The following MAP4K3 variants were observed in gnomAD, a reference collection of about 807,000 sequenced individuals.
The protein encoded by MAP4K3 is MAPK/ERK kinase kinase kinase 3.
A neutral mutation model predicts 143.5 loss-of-function variants in MAP4K3; 94 were observed. The observed-to-expected ratio is 0.65, with a 90% CI of 0.55 to 0.78. The LOEUF (loss-of-function observed/expected upper bound fraction) is 0.78. MAP4K3 is among the 30% of genes least tolerant of loss of function. The pLI, the probability that MAP4K3 is intolerant of heterozygous loss-of-function variation, is 0.00. For missense variants in MAP4K3, 1,077 were observed against 1,068.1 expected (o/e 1.01, Z -0.12); for synonymous variants, 416 against 347.2 (o/e 1.20, Z -2.20).
chr2:39,251,113 T>G (rs1680141453), intron 33 of MAP4K3, among the ~76,000 whole-genome samples: 1 of 152,200 alleles, frequency 6.6e-6, no homozygotes, highest in Non-Finnish European at 1.5e-5. Context: ...AAAGACTGGC[T>G]AGGGGGCCAG....
intron 2 of MAP4K3, among the ~76,000 whole-genome samples, chr2:39,369,282 G>A (rs922025009): frequency 2.2e-5 from 3 of 139,452 alleles, no homozygotes; most frequent in East Asian, 2.1e-4. Flanking sequence ...TGCAACCTCC[G>A]TCTCCCAGGT....
Position 39,258,425 on chromosome 2 carries a change from A to T in MAP4K3, c.2393T>A (p.Val798Glu). Residue 798 changes from valine (V) to glutamate (E), a missense_variant, in exon 31 of 34, where the codon GTA (valine) becomes GAA (glutamate). Transcript: ENST00000263881. ...LVCLDCCIKIVNLQGRLKSSR... is the reference protein window; with the variant it reads ...LVCLDCCIKIENLQGRLKSSR... The stretch of plus-strand genomic sequence containing the variant: ...AGATTTTAATCTTCCTTGGAGATTT[A>T]CTATTTTTATACAACCTAGAGGAAA... The T allele has an allele frequency of 6.2e-7, 1 of 1,610,526 alleles. No individual in the cohort carries two copies. The highest frequency in any genetic ancestry group is 8.5e-7 in the Non-Finnish European group (1 of 1,177,696).
At chr2:39,375,453 G>C (rs1330613361) in intron 2 of MAP4K3, among the ~76,000 whole-genome samples, 2 of 152,096 alleles carry the variant, frequency 1.3e-5, no homozygotes, top group African/African-American at 4.8e-5. Flanking sequence ...AACTTTACAG[G>C]ATAAATGATC....
chr2:39,381,215 T>TTA (rs955797388), intron 1 of MAP4K3, among the ~76,000 whole-genome samples: 21 of 152,356 alleles, frequency 1.4e-4, no homozygotes, highest in African/African-American at 5.1e-4. Flanking sequence ...TTTTTAGCTG[T>TTA]TATGAATAAT....
chr2:39,282,430 A>T (rs1319118465), intron 22 of MAP4K3, 83 bp downstream of exon 22: 24 of 1,149,540 alleles, frequency 2.1e-5, no homozygotes, highest in Non-Finnish European at 2.6e-5. Flanking sequence ...AAGTTCTTTC[A>T]AACAGACAAA....
chr2:39,391,378 A>AAAAAAAG lies in MAP4K3; in HGVS notation c.97-13256_97-13255insCTTTTTT, dbSNP rs1553423384. On this transcript the variant is annotated intron_variant, in intron 1 of 33. Coordinates refer to ENST00000263881, the MANE Select transcript of MAP4K3 (RefSeq NM_003618.4). ...CATCTCAAAAAAAAAAAAAAAAAAAAAAAGAAAGAAAGAAAGAATATATAC... is the reference window on the plus strand; with the variant it reads ...CATCTCAAAAAAAAAAAAAAAAAAAAAAAAAAGAAAGAAAGAAAGAAAGAATATATAC... Among the ~76,000 whole-genome samples, 190 of 146,954 alleles carry AAAAAAAG rather than the reference A, an allele frequency of 1.3e-3. 1 individual carries two copies. The highest frequency in any genetic ancestry group is 3.7e-3 in the South Asian group (17 of 4,648).
chr2:39,305,107 A>T (rs974368786), intron 15 of MAP4K3, among the ~76,000 whole-genome samples: 8 of 152,200 alleles, frequency 5.3e-5, no homozygotes, highest in Non-Finnish European at 1.2e-4. Flanking sequence ...TAGTTTGGGA[A>T]GATGAAATCA....
Position 39,290,145 on chromosome 2 carries a change from A to C in MAP4K3, c.1314+147T>G. 5.2e-6 allele frequency: 3 copies of C among 572,788 alleles called. No homozygotes were observed. In the South Asian group the frequency reaches 9.1e-5, roughly 17 times the overall value. The allele number at this position is 572,788 out of a possible 1,614,324, so 35.5% of individuals were successfully genotyped here. On this transcript the variant is annotated intron_variant, in intron 19 of 33. Coordinates refer to ENST00000263881, the MANE Select transcript of MAP4K3 (RefSeq NM_003618.4). ...TAAGTTGGGCATTATAAAATGAGAC[A>C]AACATAATAAAAAATCATTTACTTA...
intron 1 of MAP4K3, among the ~76,000 whole-genome samples, chr2:39,409,034 C>T (rs559263326): frequency 4.7e-4 from 72 of 152,232 alleles, no homozygotes; most frequent in Non-Finnish European, 7.8e-4. Context: ...CTGTGCCTGC[C>T]TCTTCTGTCT....
At chr2:39,385,856 T>C (rs959753704) in intron 1 of MAP4K3, among the ~76,000 whole-genome samples, 1 of 152,004 alleles carries the variant, frequency 6.6e-6, no homozygotes. Flanking sequence ...GGTCTCAAAC[T>C]CCTGACGTCA....
At chr2:39,297,764 T>C (rs1449610544) in intron 16 of MAP4K3, among the ~76,000 whole-genome samples, 3 of 152,194 alleles carry the variant, frequency 2.0e-5, no homozygotes, top group African/African-American at 7.2e-5. Flanking sequence ...CATGTATGTC[T>C]ATACCTACAC....
Position 39,342,108 on chromosome 2 carries a change from GTATTATTATTATTATTATTAT to G in MAP4K3, c.310+1259_310+1279del, listed in dbSNP as rs113261872. Among the ~76,000 whole-genome samples, 271 of 143,150 alleles carry G rather than the reference GTATTATTATTATTATTATTAT, an allele frequency of 1.9e-3. 5 individuals carry two copies. In the East Asian group the frequency reaches 0.024, roughly 13 times the overall value. The allele number at this position is 143,150 out of a possible 152,430, so 93.9% of individuals were successfully genotyped here. On this transcript the variant is annotated intron_variant, in intron 4 of 33. Transcript: ENST00000263881. ...GAAAATGCACTTCTTTGTCTTTCTA[GTATTATTATTATTATTATTAT>G]TATTATTATTATTATTATTATTATT...
At chr2:39,391,150 T>A (rs1220294627) in intron 1 of MAP4K3, among the ~76,000 whole-genome samples, 1 of 151,164 alleles carries the variant, frequency 6.6e-6, no homozygotes, top group East Asian at 1.9e-4. Context: ...GGTCAGGAGA[T>A]CAAGACCATC....
Position 39,267,148 on chromosome 2 carries a change from G to A in MAP4K3, c.2032+41C>T, listed in dbSNP as rs375695426. ...TACTGTTTTATGCCAGATTTTAGGA[G>A]GAGTCTCAGAGAGCTATATGCTATT... is the stretch of plus-strand genomic sequence containing the variant. On this transcript the variant is annotated intron_variant, in intron 27 of 33. Coordinates refer to ENST00000263881, the MANE Select transcript of MAP4K3 (RefSeq NM_003618.4). 60 of 1,584,166 alleles carry A rather than the reference G, an allele frequency of 3.8e-5. No homozygotes were observed. The African/African-American group carries it at 3.9e-4, about 10-fold the overall frequency.
intron 20 of MAP4K3, among the ~76,000 whole-genome samples, chr2:39,287,843 C>T (rs562844212): frequency 7.9e-5 from 12 of 152,198 alleles, no homozygotes; most frequent in African/African-American, 2.9e-4. Flanking sequence ...GCATTGTTTC[C>T]ACACCGTAGC....
At chr2:39,255,492 G>A (rs578007569) in intron 31 of MAP4K3, among the ~76,000 whole-genome samples, 5 of 152,202 alleles carry the variant, frequency 3.3e-5, no homozygotes, top group African/African-American at 9.6e-5. Context: ...ATAATGCCAC[G>A]AATTTCCATT....
chr2:39,391,377 A>AAAAG, intron 1 of MAP4K3, among the ~76,000 whole-genome samples: 1 of 150,048 alleles, frequency 6.7e-6, no homozygotes, highest in Admixed American at 6.6e-5. Flanking sequence ...AAAAAAAAAA[A>AAAAG]AAAAGAAAGA....
intron 1 of MAP4K3, among the ~76,000 whole-genome samples, chr2:39,395,479 T>C (rs1395498987): frequency 6.6e-6 from 1 of 152,200 alleles, no homozygotes; most frequent in East Asian, 1.9e-4. Flanking sequence ...AACTCTTCTG[T>C]TATACAATAG....
Position 39,266,727 on chromosome 2 carries a change from T to C in MAP4K3, c.2032+462A>G, listed in dbSNP as rs1680782191. ...AAGGGAAAGAAATCATTTTTTGCTC[T>C]GGCTACATGCAAATAGAACAACTAA... On this transcript the variant is annotated intron_variant, in intron 27 of 33. Coordinates refer to ENST00000263881, the MANE Select transcript of MAP4K3 (RefSeq NM_003618.4). Among the ~76,000 whole-genome samples, 3 of 152,108 alleles carry C rather than the reference T, an allele frequency of 2.0e-5. No homozygotes were observed. The South Asian group carries it at 6.2e-4, about 32-fold the overall frequency.
Sources: gnomAD v4.1 joint callset for allele counts (sites outside exome capture counted in the v4.1 genomes callset) on GRCh38, gnomAD v4.1.1 for gene constraint, MANE v1.5 for transcripts, NCBI Gene and HGNC (gene_info 2026-07-23, HGNC 2026-07-21) for gene names.